Variants in PDZD2 observed in about 807,000 individuals in gnomAD.
PDZD2 encodes the protein PDZ domain-containing protein 2.
In PDZD2, 90 loss-of-function variants were observed where a neutral mutation model predicts 220.7. The ratio of observed to expected loss-of-function variants is 0.41; its 90% CI spans 0.34 to 0.49. The LOEUF (loss-of-function observed/expected upper bound fraction) is 0.49, where lower values mean the gene tolerates loss of function less well. Among genes scored for constraint, PDZD2 ranks in the 20% least tolerant of loss-of-function variants. The pLI is 0.28. For synonymous variants in PDZD2, 1,375 were observed against 1,450.5 expected, an observed-to-expected ratio of 0.95 and a Z score of 1.18; for missense variants, 3,174 against 3,608.5, an observed-to-expected ratio of 0.88 and a Z score of 3.08.
chr5:31,641,545 A>ATTTT (rs546221558), intron 1 of PDZD2, among the ~76,000 whole-genome samples: 2,340 of 142,660 alleles, frequency 0.016, 63 homozygotes, highest in African/African-American at 0.065. Flanking sequence ...GATGTGTGAG[A>ATTTT]TATTTTTTTT....
intron 6 of PDZD2, among the ~76,000 whole-genome samples, chr5:32,030,963 C>T (rs1318166367): frequency 6.6e-6 from 1 of 152,114 alleles, no homozygotes; most frequent in African/African-American, 2.4e-5. Context: ...CTCGGTCTTC[C>T]CTGCAGTTTT....
intron 1 of PDZD2, among the ~76,000 whole-genome samples, chr5:31,786,995 C>T (rs1292467960): frequency 6.6e-6 from 1 of 152,126 alleles, no homozygotes; most frequent in Non-Finnish European, 1.5e-5. Flanking sequence ...AAAAATCACT[C>T]TGGTGTAATT....
Position 31,985,715 on chromosome 5 carries a change from T to C in PDZD2, c.978+2059T>C, listed in dbSNP as rs1359685522. ...TCAAAAACAAACAAAAGCTAAACTT[T>C]TAAGAGATTACTCATCCTCTGCTTA... On this transcript the variant is annotated intron_variant, in intron 3 of 24. Transcript: ENST00000438447. Among the ~76,000 whole-genome samples the C allele has an allele frequency of 3.1e-4, 47 of 151,878 alleles. 1 individual carries two copies. The highest frequency in any genetic ancestry group is 1.9e-4 in the Non-Finnish European group (13 of 67,990).
rs1751206030 is a variant in PDZD2, at chr5:31,754,676, G to C, written c.-360-44213G>C. On this transcript the variant is annotated intron_variant, in intron 1 of 24. Transcript: ENST00000438447. ...GGTCTCCTTGAGTAAAAAAAGCTCT[G>C]GTTCAGAAGTCAGAGAGCCTGAATT... The C allele has an allele frequency of 2.6e-5, 4 of 152,062 alleles. No homozygotes were observed. The South Asian group carries it at 8.3e-4, about 32-fold the overall frequency. The allele number at this position is 152,062 out of a possible 1,614,324, so 9.4% of individuals were successfully genotyped here.
chr5:32,012,756 A>G (rs929624313), intron 6 of PDZD2, among the ~76,000 whole-genome samples: 1 of 152,106 alleles, frequency 6.6e-6, no homozygotes, highest in African/African-American at 2.4e-5. Context: ...CAAACTTCAT[A>G]TACTAAATAC....
intron 6 of PDZD2, among the ~76,000 whole-genome samples, chr5:32,029,886 A>G (rs1408563891): frequency 6.6e-6 from 1 of 152,226 alleles, no homozygotes; most frequent in Non-Finnish European, 1.5e-5. Flanking sequence ...GTTGATGAGG[A>G]AAAGATTCTT....
In PDZD2 at chr5:32,090,967, G is replaced by A. The variant is rs374096960; in HGVS notation, c.7519G>A (p.Ala2507Thr). 6.9e-5 allele frequency: 112 copies of A among 1,613,790 alleles called. 1 individual carries two copies. The highest frequency in any genetic ancestry group is 4.5e-4 in the African/African-American group (34 of 74,888). Residue 2507 changes from alanine to threonine, a missense_variant, in exon 20 of 25, where the codon GCC becomes ACC. Coordinates refer to ENST00000438447, the MANE Select transcript of PDZD2 (RefSeq NM_178140.4). This position sits in a 1 kb window ranked among gnomAD's most constrained non-coding sequence, Gnocchi z 4.3. ...CSEDYSAGPS[A>T]VLFKTELEIT... ...CGAGGATTACTCAGCAGGGCCGAGC[G>A]CCGTGCTCTTCAAAACTGAGCTGGA...
chr5:31,653,163 C>CTGTA (rs1415214940), intron 1 of PDZD2, among the ~76,000 whole-genome samples: 2 of 152,144 alleles, frequency 1.3e-5, no homozygotes, highest in African/African-American at 4.8e-5. Flanking sequence ...CCATGTAACA[C>CTGTA]TGTACTCCAT....
chr5:32,012,291 G>A (rs1040292917), intron 6 of PDZD2, among the ~76,000 whole-genome samples: 7 of 152,168 alleles, frequency 4.6e-5, no homozygotes, highest in East Asian at 1.9e-4. Context: ...CCTGCAGCAC[G>A]TCTGCACCCC....
intron 6 of PDZD2, among the ~76,000 whole-genome samples, chr5:32,011,757 C>T (rs1031149184): frequency 1.1e-4 from 16 of 152,028 alleles, no homozygotes; most frequent in Non-Finnish European, 7.4e-5. Context: ...TCTCATTTAC[C>T]ACAGTAAGCT....
At chr5:31,651,000 C>G (rs2150106586) in intron 1 of PDZD2, among the ~76,000 whole-genome samples, 1 of 152,302 alleles carries the variant, frequency 6.6e-6, no homozygotes, top group South Asian at 2.1e-4. Flanking sequence ...AGGACAGGTT[C>G]TTGCCAGGTG....
At chr5:31,752,068 G>GTTTTTTTTTTTTTTTGTTTT (rs1251840861) in intron 1 of PDZD2, among the ~76,000 whole-genome samples, 1 of 95,916 alleles carries the variant, frequency 1.0e-5, no homozygotes, top group African/African-American at 4.5e-5. Context: ...TATTGTTTTG[G>GTTTTTTTTTTTTTTTGTTTT]GTTTGTTTTT....
At chr5:31,674,148 A>G (rs1561376442) in intron 1 of PDZD2, among the ~76,000 whole-genome samples, 2 of 152,188 alleles carry the variant, frequency 1.3e-5, no homozygotes, top group Non-Finnish European at 2.9e-5. Flanking sequence ...CACCCAGTCT[A>G]CAGTACTTTG....
chr5:31,642,452 G>C (rs1744984230), intron 1 of PDZD2, among the ~76,000 whole-genome samples: 1 of 152,180 alleles, frequency 6.6e-6, no homozygotes, highest in African/African-American at 2.4e-5. Flanking sequence ...TGTCTGCAAG[G>C]GGTGTTCATG....
At chr5:31,858,131 TTG>T (rs1291483837) in intron 2 of PDZD2, among the ~76,000 whole-genome samples, 13 of 151,826 alleles carry the variant, frequency 8.6e-5, no homozygotes, top group South Asian at 2.1e-4. Flanking sequence ...TGGCCTTTTT[TTG>T]TGTGTTTTTA....
At chr5:31,833,176 A>G (rs2150272559) in intron 2 of PDZD2, among the ~76,000 whole-genome samples, 1 of 152,254 alleles carries the variant, frequency 6.6e-6, no homozygotes. Flanking sequence ...GCCACTAGAA[A>G]CAAAGGTGGA....
At chr5:31,790,691 A>G (rs1362415186) in intron 1 of PDZD2, among the ~76,000 whole-genome samples, 1 of 75,498 alleles carries the variant, frequency 1.3e-5, no homozygotes, top group Non-Finnish European at 2.6e-5. Flanking sequence ...TATCTCTCTA[A>G]TTTTTTTTTT....
intron 1 of PDZD2, among the ~76,000 whole-genome samples, chr5:31,775,918 T>G (rs12153370): frequency 0.5 from 76,376 of 151,702 alleles, 20,091 homozygotes; most frequent in African/African-American, 0.55. Context: ...GGGGAGTTTT[T>G]GACTAAGGCT....
chr5:31,667,384 C>T (rs996253839), intron 1 of PDZD2, among the ~76,000 whole-genome samples: 3 of 152,006 alleles, frequency 2.0e-5, no homozygotes, highest in South Asian at 2.1e-4. Flanking sequence ...AGGACAGACA[C>T]GAAACAGAAA....
Sources: gnomAD v4.1 joint callset for allele counts (sites outside exome capture counted in the v4.1 genomes callset) on GRCh38, gnomAD v4.1.1 for gene constraint, Gnocchi (gnomAD v3.1) non-coding constraint, MANE v1.5 for transcripts, NCBI Gene and HGNC (gene_info 2026-07-23, HGNC 2026-07-21) for gene names.